The following C10orf90 variants were observed in gnomAD, a reference collection of about 807,000 sequenced individuals.
The protein encoded by C10orf90 is (E2-independent) E3 ubiquitin-conjugating enzyme FATS.
In C10orf90, 56 loss-of-function variants were observed where a neutral mutation model predicts 62.5. The ratio of observed to expected loss-of-function variants is 0.90; its 90% CI spans 0.72 to 1.12. C10orf90 has a LOEUF of 1.12. C10orf90 is among the 50% of genes most tolerant of loss of function. The pLI, the probability that C10orf90 is intolerant of heterozygous loss-of-function variation, is 0.00. For missense variants in C10orf90, 970 were observed against 880.4 expected, an observed-to-expected ratio of 1.10 and a Z score of -1.29; for synonymous variants, 386 against 340.4, an observed-to-expected ratio of 1.13 and a Z score of -1.47.
intron 4 of C10orf90, chr10:126,502,813 T>C: frequency 1.9e-6 from 1 of 529,068 alleles, no homozygotes; most frequent in Non-Finnish European, 3.9e-6. Context: ...TAGCTGCTTA[T>C]GTTGTCCTTC....
intron 2 of C10orf90, among the ~76,000 whole-genome samples, chr10:126,631,364 C>T (rs893906096): frequency 6.6e-6 from 1 of 152,260 alleles, no homozygotes; most frequent in South Asian, 2.1e-4. Flanking sequence ...TTCCTCAAAA[C>T]GTTTGCAGAT....
At chr10:126,513,326 G>A (rs1460373178) in intron 3 of C10orf90, among the ~76,000 whole-genome samples, 3 of 152,132 alleles carry the variant, frequency 2.0e-5, no homozygotes, top group Admixed American at 6.5e-5. Context: ...CTGTCTTGTG[G>A]GGCTATGGGA....
At position 126,453,492 on chromosome 10, in the gene C10orf90, G is replaced by A. The variant is rs192274693; in HGVS notation, c.2188+5548C>T. ...GAATCAGGACGGCTTTGTAGAAGAA[G>A]GGGATGTTCCTGAAGGGTTTTCTAC... On this transcript the variant is annotated intron_variant, in intron 7 of 9. Transcript: ENST00000488181. The surrounding 1 kb of genome is among the most constrained non-coding windows in gnomAD (Gnocchi z 4.9). 2.1e-3 allele frequency among the ~76,000 whole-genome samples: 325 copies of A among 152,236 alleles called. 2 individuals are homozygous for A. The highest frequency in any genetic ancestry group is 0.02 in the Middle Eastern group (6 of 294).
chr10:126,610,875 C>T (rs558554580), intron 2 of C10orf90, among the ~76,000 whole-genome samples: 78 of 152,282 alleles, frequency 5.1e-4, no homozygotes, highest in Admixed American at 1.7e-3. Context: ...ACAGGCCACA[C>T]TCCCCAGACA....
At chr10:126,552,813 A>G (rs755961656) in intron 2 of C10orf90, among the ~76,000 whole-genome samples, 17 of 152,378 alleles carry the variant, frequency 1.1e-4, no homozygotes, top group Non-Finnish European at 2.1e-4. Flanking sequence ...GTTTTCTCAT[A>G]TGTATATTAG....
intron 2 of C10orf90, among the ~76,000 whole-genome samples, chr10:126,628,601 C>T (rs1175267882): frequency 2.6e-5 from 4 of 152,092 alleles, no homozygotes; most frequent in Admixed American, 1.3e-4. Flanking sequence ...GGTCAGGCTC[C>T]CCAATGCAAG....
intron 2 of C10orf90, among the ~76,000 whole-genome samples, chr10:126,568,443 C>G (rs1273255149): frequency 6.6e-6 from 1 of 152,160 alleles, no homozygotes; most frequent in Non-Finnish European, 1.5e-5. Context: ...CATATAGCCC[C>G]TCCGTCTTCA....
chr10:126,502,719 AATC>A, intron 4 of C10orf90: 2 of 474,238 alleles, frequency 4.2e-6, no homozygotes, highest in Non-Finnish European at 8.5e-6. Context: ...GTATTTCTGG[AATC>A]ATCATCAATA....
chr10:126,434,490 G>A (rs1045522854), intron 7 of C10orf90, among the ~76,000 whole-genome samples: 1 of 152,162 alleles, frequency 6.6e-6, no homozygotes, highest in African/African-American at 2.4e-5. Context: ...CTTTCCAGAA[G>A]CCTATTTTCT....
At chr10:126,600,469 A>G (rs989801438) in intron 2 of C10orf90, among the ~76,000 whole-genome samples, 5 of 152,214 alleles carry the variant, frequency 3.3e-5, no homozygotes, top group Admixed American at 3.3e-4. Flanking sequence ...TGAGGACCTC[A>G]TGGGCGCACA....
At chr10:126,589,526 G>A (rs546704511) in intron 2 of C10orf90, among the ~76,000 whole-genome samples, 13 of 152,274 alleles carry the variant, frequency 8.5e-5, no homozygotes, top group Non-Finnish European at 1.5e-4. Flanking sequence ...AACCCTACAA[G>A]CCAGAAGAGA....
At chr10:126,608,437 G>A (rs983037756) in intron 2 of C10orf90, among the ~76,000 whole-genome samples, 1 of 152,152 alleles carries the variant, frequency 6.6e-6, no homozygotes, top group Admixed American at 6.5e-5. Flanking sequence ...TCACTGAACT[G>A]TTCACTTAAA....
At chr10:126,508,158 T>TGAGAGAGAGAAAGA (rs545830143) in intron 3 of C10orf90, among the ~76,000 whole-genome samples, 34 of 131,466 alleles carry the variant, frequency 2.6e-4, no homozygotes, top group African/African-American at 9.2e-4. Context: ...AATGAGTGAG[T>TGAGAGAGAGAAAGA]GAGAGAGAGA....
At position 126,519,229 on chromosome 10, in the gene C10orf90, G is replaced by A. The variant is rs183393382; in HGVS notation, c.314-5290C>T. On this transcript the variant is annotated intron_variant, in intron 2 of 9. Transcript: ENST00000488181. ...CACAGTCAAAGGGACAGGCAGAAAT[G>A]GCTTAAGATAAAGTATGAAAGCAGA... Among the ~76,000 whole-genome samples, 387 of 152,240 alleles carry A rather than the reference G, an allele frequency of 2.5e-3. 1 individual carries two copies. Among genetic ancestry groups the A allele is most frequent in the African/African-American group, 8.9e-3 (368 of 41,530 alleles).
Position 126,532,563 on chromosome 10 carries a change from C to T in C10orf90, c.314-18624G>A, listed in dbSNP as rs749725646. On this transcript the variant is annotated intron_variant, in intron 2 of 9. Transcript: ENST00000488181. ...TATAAAGAGTGAGCACATGGCCGGGCGCGGTGGCTCACGCCTATAGTCCCT... is the reference window on the plus strand; with the variant it reads ...TATAAAGAGTGAGCACATGGCCGGGTGCGGTGGCTCACGCCTATAGTCCCT... Among the ~76,000 whole-genome samples, 4 of 151,886 alleles carry T rather than the reference C, an allele frequency of 2.6e-5. No homozygotes were observed. In the South Asian group the frequency reaches 6.2e-4, roughly 24 times the overall value.
chr10:126,545,911 T>A (rs1280961669), intron 2 of C10orf90, among the ~76,000 whole-genome samples: 1 of 152,210 alleles, frequency 6.6e-6, no homozygotes, highest in Non-Finnish European at 1.5e-5. Context: ...ATAAAATATA[T>A]GTAAGAGCTA....
At chr10:126,669,285 G>A (rs1846697666) in intron 1 of C10orf90, among the ~76,000 whole-genome samples, 1 of 152,162 alleles carries the variant, frequency 6.6e-6, no homozygotes, top group African/African-American at 2.4e-5. Context: ...CACTCCCAGG[G>A]CTGGAACTGG....
chr10:126,670,588 C>T lies in C10orf90; in HGVS notation c.-108G>A, dbSNP rs1260872438. The stretch of plus-strand genomic sequence containing the variant: ...GAGGGACTTGGGCAGTGCCCCAGCT[C>T]GGACCTGTCCCAGTGTTTTCCAACT... On this transcript the variant is annotated 5_prime_UTR_variant, in exon 1 of 10. Coordinates refer to ENST00000488181, the MANE Select transcript of C10orf90 (RefSeq NM_001350921.2). 7.8e-6 allele frequency: 3 copies of T among 384,806 alleles called. No homozygotes were observed. Among genetic ancestry groups the T allele is most frequent in the South Asian group, 2.0e-5 (1 of 51,254 alleles). The allele number at this position is 384,806 out of a possible 1,614,324, so 23.8% of individuals were successfully genotyped here. A position where few individuals can be genotyped will look rare whatever the true frequency, so the allele number is the denominator to read the frequency against.
At chr10:126,576,945 A>T (rs1844639566) in intron 2 of C10orf90, among the ~76,000 whole-genome samples, 1 of 151,572 alleles carries the variant, frequency 6.6e-6, no homozygotes, top group Non-Finnish European at 1.5e-5. Context: ...GGCTAAAAAA[A>T]AAGTTGATTT....
Sources: gnomAD v4.1 joint callset for allele counts (sites outside exome capture counted in the v4.1 genomes callset) on GRCh38, gnomAD v4.1.1 for gene constraint, Gnocchi (gnomAD v3.1) non-coding constraint, MANE v1.5 for transcripts, NCBI Gene and HGNC (gene_info 2026-07-23, HGNC 2026-07-21) for gene names.